The following DIRAS2 variants were observed in gnomAD, a reference collection of about 807,000 sequenced individuals.
The protein encoded by DIRAS2 is DIRAS family GTPase 2.
In DIRAS2, 5 loss-of-function variants were observed where a neutral mutation model predicts 13.9. The observed-to-expected ratio is 0.36, with a 90% CI of 0.19 to 0.76. DIRAS2 has a LOEUF of 0.76. Ranked by LOEUF, DIRAS2 falls within the 30% of genes least tolerant of loss-of-function variation. The probability of loss-of-function intolerance (pLI) is 0.53; values close to 1 mark genes in which losing one functional copy is unlikely to be tolerated. For synonymous variants in DIRAS2, 111 were observed against 105.4 expected, an observed-to-expected ratio of 1.05 and a Z score of -0.33; for missense variants, 191 against 263.0, an observed-to-expected ratio of 0.73 and a Z score of 1.89.
chr9:90,627,897 A>T (rs1163124863), intron 1 of DIRAS2, among the ~76,000 whole-genome samples: 1 of 152,154 alleles, frequency 6.6e-6, no homozygotes, highest in Middle Eastern at 3.2e-3. Context: ...GCATTAGGAC[A>T]AATATCTAAT....
At chr9:90,634,067 T>C (rs1319256138) in intron 1 of DIRAS2, among the ~76,000 whole-genome samples, 1 of 152,208 alleles carries the variant, frequency 6.6e-6, no homozygotes, top group African/African-American at 2.4e-5. Context: ...TGTAAGTTCC[T>C]GCTGAGGGTC....
rs555147177 is a variant in DIRAS2, at chr9:90,639,681, G to A, written c.-37+3071C>T. Among the ~76,000 whole-genome samples the A allele has an allele frequency of 4.6e-5, 7 of 152,258 alleles. No homozygotes were observed. In the East Asian group the frequency reaches 1.3e-3, roughly 29 times the overall value. ...TGTTTCTGCCACAATAAACCCCTAG[G>A]CTGCATGTGAGTTGGATCCCTCGTA... On this transcript the variant is annotated intron_variant, in intron 1 of 1. Transcript: ENST00000375765.
chr9:90,639,902 G>T (rs894542737), intron 1 of DIRAS2, among the ~76,000 whole-genome samples: 2 of 152,120 alleles, frequency 1.3e-5, no homozygotes, highest in Non-Finnish European at 2.9e-5. Context: ...TGATGGCGCC[G>T]AACATGTTAG....
At chr9:90,615,632 T>C (rs1825162130) in intron 1 of DIRAS2, among the ~76,000 whole-genome samples, 1 of 152,226 alleles carries the variant, frequency 6.6e-6, no homozygotes, top group Non-Finnish European at 1.5e-5. Flanking sequence ...CTTACAGTTC[T>C]GGAGGATGGT....
At chr9:90,636,027 CTTTTTTTTT>C (rs1172661795) in intron 1 of DIRAS2, among the ~76,000 whole-genome samples, 1 of 66,252 alleles carries the variant, frequency 1.5e-5, no homozygotes, top group Non-Finnish European at 2.7e-5. Context: ...ACTGAATATT[CTTTTTTTTT>C]TTTTTTTTTT....
In DIRAS2 at chr9:90,613,194, G is replaced by T. The variant is rs986955769; in HGVS notation, c.*34C>A. The T allele has an allele frequency of 1.9e-6, 3 of 1,585,792 alleles. No individual in the cohort carries two copies. The highest frequency in any genetic ancestry group is 1.2e-5 in the South Asian group (1 of 85,740). ...TCATTTTGGGGGAGTGAGGTGCCGG[G>T]GACACACAGCTGCTCCTCCCGCAGG... On this transcript the variant is annotated 3_prime_UTR_variant, in exon 2 of 2. Coordinates refer to ENST00000375765, the MANE Select transcript of DIRAS2 (RefSeq NM_017594.5). This position sits in a 1 kb window ranked among gnomAD's most constrained non-coding sequence, Gnocchi z 5.6.
At position 90,609,894 on chromosome 9, in the gene DIRAS2, A is replaced by G. The variant is rs1264940512; in HGVS notation, c.*3334T>C. ...CATTATTTCCAGAACATCACTGGCA[A>G]CTAGAAACTTGTATGCAAGGGTGAT... On this transcript the variant is annotated 3_prime_UTR_variant, in exon 2 of 2. Transcript: ENST00000375765. The G allele has an allele frequency of 6.6e-6, 1 of 152,282 alleles. No homozygotes were observed. Among genetic ancestry groups the G allele is most frequent in the Non-Finnish European group, 1.5e-5 (1 of 68,062 alleles). 9.4% of individuals were successfully genotyped at this position (152,282 alleles called of 1,614,324 possible).
chr9:90,641,407 C>G (rs898138988), intron 1 of DIRAS2, among the ~76,000 whole-genome samples: 1 of 152,152 alleles, frequency 6.6e-6, no homozygotes, highest in Non-Finnish European at 1.5e-5. Context: ...CCTGTGCTTG[C>G]CCGGGACTAT....
chr9:90,628,555 A>AT (rs933909516), intron 1 of DIRAS2, among the ~76,000 whole-genome samples: 16 of 149,320 alleles, frequency 1.1e-4, no homozygotes, highest in African/African-American at 3.0e-4. Flanking sequence ...ACACACACGT[A>AT]TTTTTTTTGA....
At chr9:90,614,002 A>C in intron 1 of DIRAS2, 139 bp from the exon 2 acceptor site, 2 of 926,718 alleles carry the variant, frequency 2.2e-6, no homozygotes, top group East Asian at 2.8e-5. Context: ...AATCCAATAA[A>C]TTTGGTCAAT....
chr9:90,631,063 T>C (rs1470371006), intron 1 of DIRAS2, among the ~76,000 whole-genome samples: 1 of 152,170 alleles, frequency 6.6e-6, no homozygotes, highest in Non-Finnish European at 1.5e-5. Flanking sequence ...ATGAATAAAA[T>C]ATATTTTTAT....
At chr9:90,635,316 T>A (rs558528277) in intron 1 of DIRAS2, among the ~76,000 whole-genome samples, 2 of 152,342 alleles carry the variant, frequency 1.3e-5, no homozygotes, top group South Asian at 4.1e-4. Flanking sequence ...GGGAAAGCAC[T>A]CAAACCAACC....
chr9:90,614,306 A>ATGTGTG (rs34548591), intron 1 of DIRAS2, among the ~76,000 whole-genome samples: 1,675 of 134,896 alleles, frequency 0.012, 19 homozygotes, highest in African/African-American at 0.014. Context: ...GGTCATCATA[A>ATGTGTG]TGTGTGTGTG....
chr9:90,635,064 AG>A (rs1418708195), intron 1 of DIRAS2, among the ~76,000 whole-genome samples: 2 of 152,262 alleles, frequency 1.3e-5, no homozygotes, highest in Non-Finnish European at 2.9e-5. Flanking sequence ...GGATGGTTAA[AG>A]TCACAGAGAA....
chr9:90,613,947 G>A lies in DIRAS2; in HGVS notation c.-36-84C>T, dbSNP rs1825141844. The stretch of plus-strand genomic sequence containing the variant: ...AGGATAGCTCTACCCTCTTTTGATA[G>A]CTTAAAAATGGGAGGTGATAACATT... On this transcript the variant is annotated intron_variant, in intron 1 of 1. Coordinates refer to ENST00000375765, the MANE Select transcript of DIRAS2 (RefSeq NM_017594.5). The surrounding 1 kb of genome is among the most constrained non-coding windows in gnomAD (Gnocchi z 5.6). 4.7e-6 allele frequency: 6 copies of A among 1,266,784 alleles called. No homozygotes were observed. The highest frequency in any genetic ancestry group is 6.4e-6 in the Non-Finnish European group (6 of 936,648). 78.5% of individuals were successfully genotyped at this position (1,266,784 alleles called of 1,614,324 possible). A position where few individuals can be genotyped will look rare whatever the true frequency, so the allele number is the denominator to read the frequency against.
At chr9:90,620,827 T>G (rs1376878539) in intron 1 of DIRAS2, among the ~76,000 whole-genome samples, 1 of 152,188 alleles carries the variant, frequency 6.6e-6, no homozygotes, top group Non-Finnish European at 1.5e-5. Flanking sequence ...GACGGTGGCC[T>G]GCTGGGTGCT....
chr9:90,621,445 G>A (rs148953829), intron 1 of DIRAS2, among the ~76,000 whole-genome samples: 31 of 152,114 alleles, frequency 2.0e-4, no homozygotes, highest in Non-Finnish European at 3.4e-4. Flanking sequence ...GTTCAGAAGC[G>A]CAAATTAAAG....
intron 1 of DIRAS2, among the ~76,000 whole-genome samples, chr9:90,628,155 A>G (rs1825289576): frequency 6.6e-6 from 1 of 152,204 alleles, no homozygotes; most frequent in Non-Finnish European, 1.5e-5. Flanking sequence ...TTCCTACTGT[A>G]TTACTGACTG....
intron 1 of DIRAS2, among the ~76,000 whole-genome samples, chr9:90,641,083 G>A (rs909335520): frequency 2.6e-5 from 4 of 152,008 alleles, no homozygotes; most frequent in Non-Finnish European, 4.4e-5. Context: ...TATAGGATAC[G>A]AACAACATAC....
Sources: allele counts gnomAD v4.1 joint callset (sites outside exome capture counted in the v4.1 genomes callset), GRCh38; gene constraint gnomAD v4.1.1; non-coding constraint Gnocchi (gnomAD v3.1); transcripts MANE v1.5; gene names NCBI Gene and HGNC (gene_info 2026-07-23, HGNC 2026-07-21).